BBS9: variants seen among roughly 807,000 people sequenced by gnomAD.
The protein encoded by BBS9 is protein PTHB1.
A neutral mutation model predicts 117.7 loss-of-function variants in BBS9; 89 were observed. The observed-to-expected ratio is 0.76, with a 90% CI of 0.64 to 0.90. The LOEUF is 0.90. BBS9 is among the 40% of genes least tolerant of loss of function. The probability of loss-of-function intolerance (pLI) is 0.00; values close to 1 mark genes in which losing one functional copy is unlikely to be tolerated. For synonymous variants in BBS9, 379 were observed against 370.9 expected (o/e 1.02, Z -0.25); for missense variants, 982 against 1,042.2 (o/e 0.94, Z 0.80).
chr7:33,196,686 T>C (rs964707), intron 5 of BBS9, among the ~76,000 whole-genome samples: 122,948 of 152,122 alleles, frequency 0.81, 49,883 homozygotes, highest in Admixed American at 0.86. Context: ...AGGTGTTTTA[T>C]TATATTGGAG....
chr7:33,453,866 A>G (rs1838256224), intron 19 of BBS9, among the ~76,000 whole-genome samples: 1 of 152,184 alleles, frequency 6.6e-6, no homozygotes. Context: ...TACAGTATAT[A>G]ATACATATAT....
intron 20 of BBS9, among the ~76,000 whole-genome samples, chr7:33,528,740 C>G (rs1388551659): frequency 6.6e-6 from 1 of 152,194 alleles, no homozygotes; most frequent in Non-Finnish European, 1.5e-5. Flanking sequence ...TCTAAGCTCA[C>G]ACAGTGAAGG....
chr7:33,563,096 G>A (rs1039083598), intron 21 of BBS9, among the ~76,000 whole-genome samples: 13 of 152,144 alleles, frequency 8.5e-5, no homozygotes, highest in South Asian at 6.2e-4. Flanking sequence ...CCTACAGATT[G>A]CAATGGGTCT....
chr7:33,572,784 G>T (rs1351362505), intron 21 of BBS9, among the ~76,000 whole-genome samples: 1 of 151,562 alleles, frequency 6.6e-6, no homozygotes, highest in African/African-American at 2.4e-5. Context: ...ATTTTTAATT[G>T]GATTTTCTTT....
chr7:33,223,467 A>G (rs1010613961), intron 5 of BBS9, among the ~76,000 whole-genome samples: 2 of 152,192 alleles, frequency 1.3e-5, no homozygotes, highest in African/African-American at 4.8e-5. Flanking sequence ...CCTTCTGCCT[A>G]TGCACAACAC....
chr7:33,587,894 C>T (rs1003560797), intron 21 of BBS9, among the ~76,000 whole-genome samples: 9 of 151,966 alleles, frequency 5.9e-5, no homozygotes, highest in East Asian at 1.9e-4. Context: ...TTTAAAAACA[C>T]GTTTAGATTT....
chr7:33,410,105 A>T (rs781438864), intron 19 of BBS9, among the ~76,000 whole-genome samples: 2 of 152,140 alleles, frequency 1.3e-5, no homozygotes, highest in Non-Finnish European at 2.9e-5. Flanking sequence ...AACTGGGGCC[A>T]TTTCTTTGCT....
intron 19 of BBS9, among the ~76,000 whole-genome samples, chr7:33,504,094 T>G (rs1845822772): frequency 6.6e-6 from 1 of 152,218 alleles, no homozygotes; most frequent in Non-Finnish European, 1.5e-5. Flanking sequence ...TCCTGTGGAC[T>G]GTAAGATATT....
chr7:33,250,215 C>T (rs1796012468), intron 5 of BBS9, among the ~76,000 whole-genome samples: 2 of 152,068 alleles, frequency 1.3e-5, no homozygotes, highest in Admixed American at 6.6e-5. Context: ...TCAGTCTTCT[C>T]GTGTATAAAA....
chr7:33,367,908 G>A, intron 17 of BBS9, 46 bp downstream of exon 17: 1 of 1,452,876 alleles, frequency 6.9e-7, no homozygotes, highest in Non-Finnish European at 9.7e-7. Context: ...TTTTTCTAAG[G>A]ATACCACATC....
At chr7:33,236,024 G>A (rs1793411035) in intron 5 of BBS9, among the ~76,000 whole-genome samples, 1 of 151,930 alleles carries the variant, frequency 6.6e-6, no homozygotes. Flanking sequence ...CTACTGTATT[G>A]TTTATAAATT....
At chr7:33,365,931 G>A (rs1034390528) in intron 16 of BBS9, among the ~76,000 whole-genome samples, 1 of 152,224 alleles carries the variant, frequency 6.6e-6, no homozygotes, top group East Asian at 1.9e-4. Flanking sequence ...CTTAGCTGTA[G>A]GACCTCGGGT....
chr7:33,602,098 G>A (rs149737374), intron 21 of BBS9, among the ~76,000 whole-genome samples: 142 of 152,278 alleles, frequency 9.3e-4, no homozygotes, highest in African/African-American at 3.4e-3. Context: ...GGAGGGTGAG[G>A]ACAAAGGGCA....
At chr7:33,154,878 C>T (rs1203681551) in intron 3 of BBS9, among the ~76,000 whole-genome samples, 1 of 152,230 alleles carries the variant, frequency 6.6e-6, no homozygotes, top group East Asian at 1.9e-4. Flanking sequence ...ATGTGGGGCT[C>T]TGGCCCCAAG....
intron 5 of BBS9, among the ~76,000 whole-genome samples, chr7:33,252,961 T>G (rs949183030): frequency 1.3e-5 from 2 of 152,260 alleles, no homozygotes; most frequent in Admixed American, 6.5e-5. Context: ...ATTTATACAC[T>G]TTTTTTGATG....
chr7:33,273,100 G>A lies in BBS9; in HGVS notation c.791G>A (p.Gly264Asp). Residue 264 changes from glycine (G) to aspartate (D), a missense_variant, in exon 8 of 23, where the codon GGT (glycine) becomes GAT (aspartate). Gly to Asp is a moderately conservative substitution (Grantham distance 94). Coordinates refer to ENST00000242067, the MANE Select transcript of BBS9 (RefSeq NM_198428.3). Reference sequence around the variant, plus strand: ...TCGGCATCCTCTGTTTTTGTTCTTGGTGAGAGAAACTTTTTTTGCCTTAAG... The same window carrying A: ...TCGGCATCCTCTGTTTTTGTTCTTGATGAGAGAAACTTTTTTTGCCTTAAG... Reference protein sequence around the residue: ...NQSASSVFVLGERNFFCLKDN... With the variant: ...NQSASSVFVLDERNFFCLKDN... The A allele has an allele frequency of 6.2e-7, 1 of 1,613,662 alleles. No individual in the cohort carries two copies. The highest frequency in any genetic ancestry group is 2.2e-5 in the East Asian group (1 of 44,814).
intron 19 of BBS9, among the ~76,000 whole-genome samples, chr7:33,407,068 C>T (rs971133387): frequency 6.6e-6 from 1 of 152,184 alleles, no homozygotes; most frequent in African/African-American, 2.4e-5. Context: ...CTTTCAGATA[C>T]ACCAATCAGA....
At chr7:33,264,395 A>G in intron 7 of BBS9, 21 bp downstream of exon 7, 2 of 1,459,612 alleles carry the variant, frequency 1.4e-6, no homozygotes, top group Non-Finnish European at 9.5e-7. Context: ...TTTTTAATAT[A>G]TAAAAATTTC....
At chr7:33,341,236 T>C (rs1311805345) in intron 11 of BBS9, among the ~76,000 whole-genome samples, 2 of 152,110 alleles carry the variant, frequency 1.3e-5, no homozygotes, top group Non-Finnish European at 2.9e-5. Flanking sequence ...TTGCCCTAGT[T>C]CTAATCCTAC....
Sources: gnomAD v4.1 joint callset for allele counts (sites outside exome capture counted in the v4.1 genomes callset) on GRCh38, gnomAD v4.1.1 for gene constraint, MANE v1.5 for transcripts, NCBI Gene and HGNC (gene_info 2026-07-23, HGNC 2026-07-21) for gene names.